ASH1L: variants seen among roughly 807,000 people sequenced by gnomAD.
ASH1L encodes the protein histone-lysine N-methyltransferase ASH1L.
A neutral mutation model predicts 269.0 loss-of-function variants in ASH1L; 23 were observed. That is an observed-to-expected ratio of 0.09 (90% CI 0.06 to 0.12). The LOEUF is 0.12. Among genes scored for constraint, ASH1L ranks in the 10% least tolerant of loss-of-function variants. ASH1L has a pLI of 1.00. For synonymous variants in ASH1L, 1,187 were observed against 1,253.5 expected (o/e 0.95, Z 1.12); for missense variants, 2,912 against 3,567.8 (o/e 0.82, Z 4.68).
At chr1:155,389,659 C>T (rs7416976) in intron 7 of ASH1L, among the ~76,000 whole-genome samples, 39,644 of 151,910 alleles carry the variant, frequency 0.26, 5,943 homozygotes, top group East Asian at 0.72. Flanking sequence ...GGCAACAGAG[C>T]GAGACTCCAT....
chr1:155,390,487 T>C (rs1657822572), intron 7 of ASH1L, among the ~76,000 whole-genome samples: 1 of 152,218 alleles, frequency 6.6e-6, no homozygotes. Flanking sequence ...GAAGCTAGTG[T>C]ATGCCTAATA....
chr1:155,447,419 G>A (rs368416968), intron 4 of ASH1L, among the ~76,000 whole-genome samples: 2 of 152,002 alleles, frequency 1.3e-5, no homozygotes, highest in Non-Finnish European at 2.9e-5. Context: ...TGGTAGAGAC[G>A]GGGTTTCATG....
Position 155,546,831 on chromosome 1 carries a change from TTA to T in ASH1L, c.-100+15320_-100+15321del, listed in dbSNP as rs199993513. 4.7e-3 allele frequency among the ~76,000 whole-genome samples: 718 copies of T among 151,992 alleles called. 6 individuals carry two copies. The highest frequency in any genetic ancestry group is 0.016 in the African/African-American group (675 of 41,464). Reference sequence around the variant, plus strand: ...TCCATGATTTTCATAATTAAGACACTTATATAACAAAGAATATTGGCCTACAA... The same window carrying T: ...TCCATGATTTTCATAATTAAGACACTTATAACAAAGAATATTGGCCTACAA... On this transcript the variant is annotated intron_variant, in intron 1 of 27. Coordinates refer to ENST00000392403, the MANE Select transcript of ASH1L (RefSeq NM_018489.3).
intron 5 of ASH1L, among the ~76,000 whole-genome samples, chr1:155,424,568 G>A (rs1038438818): frequency 1.3e-5 from 2 of 151,620 alleles, no homozygotes; most frequent in South Asian, 4.2e-4. Flanking sequence ...CCACTACGCC[G>A]GGCTAATTTT....
chr1:155,424,359 TAAC>T (rs762242480), intron 5 of ASH1L, among the ~76,000 whole-genome samples: 12 of 152,172 alleles, frequency 7.9e-5, no homozygotes, highest in South Asian at 4.1e-4. Flanking sequence ...TTCATTGCAA[TAAC>T]AACAAGAGGT....
chr1:155,515,855 AT>A (rs1389627365), intron 2 of ASH1L, among the ~76,000 whole-genome samples: 12 of 148,904 alleles, frequency 8.1e-5, no homozygotes, highest in African/African-American at 3.0e-4. Flanking sequence ...AAAAAAAAAA[AT>A]GCATGGCCCA....
intron 1 of ASH1L, among the ~76,000 whole-genome samples, chr1:155,555,029 G>C (rs1671488911): frequency 6.6e-6 from 1 of 151,094 alleles, no homozygotes; most frequent in Non-Finnish European, 1.5e-5. Context: ...AGTAGTCCCA[G>C]CTACTCAGGA....
At chr1:155,437,684 C>G (rs1662214191) in intron 5 of ASH1L, among the ~76,000 whole-genome samples, 1 of 152,070 alleles carries the variant, frequency 6.6e-6, no homozygotes, top group African/African-American at 2.4e-5. Flanking sequence ...ATGGAAACAC[C>G]CCAGGTATCC....
intron 1 of ASH1L, among the ~76,000 whole-genome samples, chr1:155,551,565 CAGG>C (rs1671214916): frequency 6.9e-6 from 1 of 144,206 alleles, no homozygotes; most frequent in Non-Finnish European, 1.5e-5. Flanking sequence ...GAGGCTGAGG[CAGG>C]AGAATGGCGT....
intron 7 of ASH1L, among the ~76,000 whole-genome samples, chr1:155,392,701 C>T (rs757650615): frequency 6.6e-6 from 1 of 152,098 alleles, no homozygotes; most frequent in African/African-American, 2.4e-5. Flanking sequence ...GTTGGCCAGG[C>T]TGGTCTTGAA....
At position 155,470,385 on chromosome 1, in the gene ASH1L, G is replaced by A. The variant is rs143207866; in HGVS notation, c.4984+7501C>T. Among the ~76,000 whole-genome samples, 862 of 151,976 alleles carry A rather than the reference G, an allele frequency of 5.7e-3. 9 individuals carry two copies. Among genetic ancestry groups the A allele is most frequent in the African/African-American group, 0.02 (841 of 41,464 alleles). On this transcript the variant is annotated intron_variant, in intron 3 of 27. Coordinates refer to ENST00000392403, the MANE Select transcript of ASH1L (RefSeq NM_018489.3). ...GAGGCAGGAGAATTGCTTGAGCCTG[G>A]GAGGCGGAGGTTGCAGTAAGCCAAG...
intron 5 of ASH1L, among the ~76,000 whole-genome samples, chr1:155,431,828 C>T (rs1028932835): frequency 1.3e-5 from 2 of 152,142 alleles, no homozygotes; most frequent in African/African-American, 4.8e-5. Flanking sequence ...ACTGCTCAGG[C>T]TGTCTTGAAC....
At chr1:155,519,010 C>T (rs1571045848) in intron 2 of ASH1L, among the ~76,000 whole-genome samples, 1 of 152,126 alleles carries the variant, frequency 6.6e-6, no homozygotes, top group East Asian at 1.9e-4. Context: ...ATTCTATTCC[C>T]AAGTAAATAC....
intron 6 of ASH1L, among the ~76,000 whole-genome samples, chr1:155,397,178 A>T (rs1477311980): frequency 6.6e-6 from 1 of 151,648 alleles, no homozygotes; most frequent in Non-Finnish European, 1.5e-5. Context: ...ATGCATGATC[A>T]TGGATTATAT....
At chr1:155,421,375 G>A (rs1336464771) in intron 5 of ASH1L, among the ~76,000 whole-genome samples, 1 of 135,878 alleles carries the variant, frequency 7.4e-6, no homozygotes, top group Non-Finnish European at 1.5e-5. Context: ...AATTGCTATG[G>A]AAAGACAAAA....
chr1:155,500,497 C>T (rs548456938), intron 2 of ASH1L, among the ~76,000 whole-genome samples: 6 of 151,970 alleles, frequency 3.9e-5, no homozygotes, highest in African/African-American at 9.7e-5. Context: ...TCAACAAGAA[C>T]ATGGAAGTGA....
Position 155,438,370 on chromosome 1 carries a change from G to C in ASH1L, c.5785C>G (p.Gln1929Glu). The change falls in exon 5 of 28, where the codon CAG becomes GAG. Residue 1929 changes from glutamine to glutamate, a missense_variant. Transcript: ENST00000392403. ...TCTTCTTCCTCTGGTAATGGCTTCT[G>C]CTTTTTTCTGGTCTGTTCTTCCAAT... ...WLLEEQTRKK[Q>E]KPLPEEEEQE... The C allele has an allele frequency of 6.3e-7, 1 of 1,592,682 alleles. No individual in the cohort carries two copies.
At chr1:155,549,167 A>ACT (rs942001456) in intron 1 of ASH1L, among the ~76,000 whole-genome samples, 1 of 152,094 alleles carries the variant, frequency 6.6e-6, no homozygotes, top group African/African-American at 2.4e-5. Context: ...ATAAAGCATG[A>ACT]CTCTCTCTCT....
At chr1:155,501,855 G>A (rs1195241552) in intron 2 of ASH1L, among the ~76,000 whole-genome samples, 2 of 151,852 alleles carry the variant, frequency 1.3e-5, no homozygotes, top group Admixed American at 1.3e-4. Context: ...TAGAAACGGG[G>A]TTTCACCATG....
Sources: allele counts gnomAD v4.1 joint callset (sites outside exome capture counted in the v4.1 genomes callset), GRCh38; gene constraint gnomAD v4.1.1; transcripts MANE v1.5; gene names NCBI Gene and HGNC (gene_info 2026-07-23, HGNC 2026-07-21).